The following PTPRD variants were observed in gnomAD, a reference collection of about 807,000 sequenced individuals.
The protein encoded by PTPRD is receptor-type tyrosine-protein phosphatase delta.
Under a neutral mutation model 214.5 loss-of-function variants are expected in PTPRD, and 34 were observed. That is an observed-to-expected ratio of 0.16 (90% confidence interval 0.12 to 0.21). The LOEUF (loss-of-function observed/expected upper bound fraction) is 0.21, where lower values mean the gene tolerates loss of function less well. Among genes scored for constraint, PTPRD ranks in the 10% least tolerant of loss-of-function variants. The pLI, the probability that PTPRD is intolerant of heterozygous loss-of-function variation, is 1.00. For missense variants in PTPRD, 2,545 were observed against 2,398.7 expected (o/e 1.06, Z -1.27); for synonymous variants, 1,128 against 845.7 (o/e 1.33, Z -5.79).
At chr9:9,272,079 C>A (rs931640199) in intron 9 of PTPRD, among the ~76,000 whole-genome samples, 1 of 150,928 alleles carries the variant, frequency 6.6e-6, no homozygotes, top group Non-Finnish European at 1.5e-5. Context: ...CAATTCCCCC[C>A]ACCCCATACT....
intron 10 of PTPRD, among the ~76,000 whole-genome samples, chr9:9,120,126 T>A (rs942215240): frequency 1.3e-5 from 2 of 152,212 alleles, no homozygotes; most frequent in Non-Finnish European, 2.9e-5. Context: ...ATGATGTGCC[T>A]GATTATATTT....
intron 14 of PTPRD, among the ~76,000 whole-genome samples, chr9:8,531,155 C>G (rs2075589951): frequency 6.6e-6 from 1 of 151,964 alleles, no homozygotes; most frequent in Non-Finnish European, 1.5e-5. Context: ...GTCAGCCAAG[C>G]AGAGGTCTAC....
chr9:10,357,060 ATAC>A (rs1485697670), intron 2 of PTPRD, among the ~76,000 whole-genome samples: 3 of 152,222 alleles, frequency 2.0e-5, no homozygotes, highest in African/African-American at 7.2e-5. Flanking sequence ...TGATGTAAAT[ATAC>A]TACTAAATTA....
intron 8 of PTPRD, among the ~76,000 whole-genome samples, chr9:9,565,465 T>C (rs2084224955): frequency 6.6e-6 from 1 of 152,078 alleles, no homozygotes; most frequent in African/African-American, 2.4e-5. Context: ...AAATCCTTTT[T>C]ATTTTGATAC....
rs1006631815 is a variant in PTPRD, at chr9:8,960,302, A to T, written c.-104+58395T>A. On this transcript the variant is annotated intron_variant, in intron 11 of 45. Transcript: ENST00000381196. ...TTATCATTAGTTATCATGATTGCTA[A>T]TTCATAATACAGTTAGAAATGTGTG... is the stretch of plus-strand genomic sequence containing the variant. 2.6e-5 allele frequency among the ~76,000 whole-genome samples: 4 copies of T among 152,106 alleles called. No homozygotes were observed. The East Asian group carries it at 7.7e-4, about 29-fold the overall frequency.
intron 8 of PTPRD, among the ~76,000 whole-genome samples, chr9:9,502,009 C>T (rs1448301451): frequency 1.3e-5 from 2 of 151,732 alleles, no homozygotes; most frequent in Non-Finnish European, 2.9e-5. Flanking sequence ...TAGTCTACAA[C>T]TTGATGAGTT....
chr9:9,385,632 G>A (rs2063637967), intron 9 of PTPRD, among the ~76,000 whole-genome samples: 2 of 152,122 alleles, frequency 1.3e-5, no homozygotes, highest in African/African-American at 4.8e-5. Flanking sequence ...GCCCAGACTG[G>A]ACAAACCTTA....
chr9:9,525,742 A>G (rs2073977766), intron 8 of PTPRD, among the ~76,000 whole-genome samples: 1 of 152,140 alleles, frequency 6.6e-6, no homozygotes, highest in African/African-American at 2.4e-5. Flanking sequence ...TATGTATAAA[A>G]GAGTTTGAAA....
chr9:8,338,890 A>G (rs1446833918), intron 43 of PTPRD, 32 bp downstream of exon 43: 1 of 1,497,844 alleles, frequency 6.7e-7, no homozygotes, highest in Non-Finnish European at 9.1e-7. Flanking sequence ...TTTTCAGCTA[A>G]TGGTTAAGAG....
At chr9:9,628,649 T>G (rs989551030) in intron 7 of PTPRD, among the ~76,000 whole-genome samples, 1 of 152,114 alleles carries the variant, frequency 6.6e-6, no homozygotes, top group Non-Finnish European at 1.5e-5. Context: ...TTTAGAAATA[T>G]TGAAAGAAAC....
At chr9:9,822,883 C>T (rs897752413) in intron 5 of PTPRD, among the ~76,000 whole-genome samples, 1 of 152,048 alleles carries the variant, frequency 6.6e-6, no homozygotes, top group Non-Finnish European at 1.5e-5. Context: ...TAAGTCAACG[C>T]AGTCACTATG....
chr9:9,668,052 C>G (rs2096756698), intron 7 of PTPRD, among the ~76,000 whole-genome samples: 1 of 152,098 alleles, frequency 6.6e-6, no homozygotes, highest in South Asian at 2.1e-4. Flanking sequence ...GAGCTAAAAT[C>G]ATAGATTGCC....
chr9:10,359,689 A>C (rs2154465898), intron 2 of PTPRD, among the ~76,000 whole-genome samples: 1 of 152,256 alleles, frequency 6.6e-6, no homozygotes. Context: ...GCAGCGAACT[A>C]AGTTCTGCAG....
At chr9:10,117,201 G>T (rs2098737193) in intron 3 of PTPRD, among the ~76,000 whole-genome samples, 1 of 152,042 alleles carries the variant, frequency 6.6e-6, no homozygotes. Flanking sequence ...AAAGTAAATG[G>T]CACTTTCAAC....
At chr9:9,747,762 G>A (rs186685178) in intron 6 of PTPRD, among the ~76,000 whole-genome samples, 50 of 151,890 alleles carry the variant, frequency 3.3e-4, no homozygotes, top group Admixed American at 5.3e-4. Flanking sequence ...CATTTTGGCC[G>A]GGCTGGTCTC....
intron 4 of PTPRD, among the ~76,000 whole-genome samples, chr9:9,964,099 G>A (rs1026001660): frequency 4.9e-4 from 75 of 152,234 alleles, no homozygotes; most frequent in African/African-American, 1.8e-3. Context: ...GACAGACAAA[G>A]ACAGAGACAG....
intron 14 of PTPRD, among the ~76,000 whole-genome samples, chr9:8,570,039 A>G (rs1477815898): frequency 6.6e-6 from 1 of 152,126 alleles, no homozygotes; most frequent in Admixed American, 6.6e-5. Context: ...GCATAAGTAG[A>G]TATCAGCCAC....
intron 2 of PTPRD, among the ~76,000 whole-genome samples, chr9:10,355,479 C>CT (rs1273617961): frequency 0.022 from 2,962 of 136,616 alleles, 50 homozygotes; most frequent in African/African-American, 0.054. Context: ...TATTTCTTTT[C>CT]TTTTTTTTTT....
intron 8 of PTPRD, among the ~76,000 whole-genome samples, chr9:9,509,139 G>A (rs1158039890): frequency 6.6e-6 from 1 of 151,560 alleles, no homozygotes; most frequent in African/African-American, 2.4e-5. Flanking sequence ...GTAGATTATG[G>A]GGAGCAATAC....
Sources: gnomAD v4.1 joint callset for allele counts (sites outside exome capture counted in the v4.1 genomes callset) on GRCh38, gnomAD v4.1.1 for gene constraint, MANE v1.5 for transcripts, NCBI Gene and HGNC (gene_info 2026-07-23, HGNC 2026-07-21) for gene names.